Variants in VSIG8 observed in about 807,000 individuals in gnomAD.
VSIG8 encodes the protein V-set and immunoglobulin domain-containing protein 8.
Under a neutral mutation model 42.6 loss-of-function variants are expected in VSIG8, and 32 were observed. The ratio of observed to expected loss-of-function variants is 0.75; its 90% CI spans 0.57 to 1.01. The LOEUF (loss-of-function observed/expected upper bound fraction) is 1.01, where lower values mean the gene tolerates loss of function less well. Ranked by LOEUF, VSIG8 falls within the 50% of genes least tolerant of loss-of-function variation. VSIG8 has a pLI of 0.00. For missense variants in VSIG8, 529 were observed against 558.0 expected, an observed-to-expected ratio of 0.95 and a Z score of 0.52; for synonymous variants, 290 against 243.8, an observed-to-expected ratio of 1.19 and a Z score of -1.77.
rs936869607 is a variant in VSIG8 at position 159,854,651 on chromosome 1, G to C, written c.*102C>G. On this transcript the variant is annotated 3_prime_UTR_variant, in exon 7 of 7. Coordinates refer to ENST00000368100, the MANE Select transcript of VSIG8 (RefSeq NM_001013661.1). ...TCACCCCCAGCCGCCTGGCAGCCTG[G>C]GGCGAGCGAGGTCGTCCCCAGCCCC... The C allele has an allele frequency of 3.0e-6, 4 of 1,347,592 alleles. No individual in the cohort carries two copies. Among genetic ancestry groups the C allele is most frequent in the Admixed American group, 4.0e-5 (1 of 24,822 alleles). 83.5% of individuals were successfully genotyped at this position (1,347,592 alleles called of 1,614,324 possible). A position where few individuals can be genotyped will look rare whatever the true frequency, so the allele number is the denominator to read the frequency against.
chr1:159,855,365 G>A, intron 6 of VSIG8: 1 of 1,450,702 alleles, frequency 6.9e-7, no homozygotes, highest in Non-Finnish European at 9.1e-7. Flanking sequence ...TCTTTCCTTA[G>A]CTAATCCTGA....
intron 1 of VSIG8, chr1:159,862,226 G>A (rs941566428): frequency 2.8e-5 from 12 of 434,794 alleles, no homozygotes; most frequent in South Asian, 6.2e-5. Flanking sequence ...GTGTGAGCCC[G>A]ACAGGGGACA....
Position 159,854,901 on chromosome 1 carries a change from C to A in VSIG8, c.1097G>T (p.Gly366Val). ...CGCCAGGGCCACGTCCTCGGGGCCG[C>A]CGCAGGGGGGAGGCGCGTACTTGCG... Reference protein sequence around the residue: ...LRRKYAPPPCGGPEDVALAPC... With the variant: ...LRRKYAPPPCVGPEDVALAPC... Residue 366 changes from glycine to valine, a missense_variant, in exon 7 of 7, where the codon GGC becomes GTC. Transcript: ENST00000368100. 1 of 1,482,890 alleles carries A rather than the reference C, an allele frequency of 6.7e-7. No homozygotes were observed. Among genetic ancestry groups the A allele is most frequent in the Non-Finnish European group, 8.9e-7 (1 of 1,125,418 alleles). The allele number at this position is 1,482,890 out of a possible 1,614,324, so 91.9% of individuals were successfully genotyped here. A position where few individuals can be genotyped will look rare whatever the true frequency, so the allele number is the denominator to read the frequency against.
At position 159,855,049 on chromosome 1, in the gene VSIG8, G is replaced by A. The variant is rs1193463980; in HGVS notation, c.972-23C>T. On this transcript the variant is annotated intron_variant, in intron 6 of 6. Transcript: ENST00000368100. ...TCTCTGTGGAAAACAACAGGCGGGC[G>A]GGTGAGCGGGCTGCTCCGCAGCGGG... The A allele has an allele frequency of 4.5e-6, 7 of 1,571,042 alleles. No individual in the cohort carries two copies. The South Asian group carries it at 5.8e-5, about 13-fold the overall frequency.
At chr1:159,861,046 C>T (rs1383019921) in intron 1 of VSIG8, 2 of 152,228 alleles carry the variant, frequency 1.3e-5, no homozygotes, top group African/African-American at 4.8e-5. Flanking sequence ...GGAAGTTGCT[C>T]CTAATGTCTC....
chr1:159,860,311 T>C (rs1648979149), intron 1 of VSIG8, among the ~76,000 whole-genome samples: 1 of 152,172 alleles, frequency 6.6e-6, no homozygotes, highest in Non-Finnish European at 1.5e-5. Flanking sequence ...ACAGACACTA[T>C]ATAGATTCAT....
At chr1:159,859,267 G>A (rs145684787) in intron 1 of VSIG8, among the ~76,000 whole-genome samples, 17 of 152,278 alleles carry the variant, frequency 1.1e-4, no homozygotes, top group South Asian at 2.1e-4. Flanking sequence ...ACCACGTAGC[G>A]TGTCTGCTTA....
Position 159,858,208 on chromosome 1 carries a change from T to C in VSIG8, c.312A>G (p.Pro104=). The C allele has an allele frequency of 6.2e-7, 1 of 1,614,228 alleles. No individual in the cohort carries two copies. Among genetic ancestry groups the C allele is most frequent in the Non-Finnish European group, 8.5e-7 (1 of 1,180,044 alleles). Residue 104 remains proline, a synonymous_variant, in exon 3 of 7, where the codon CCA becomes CCG. Transcript: ENST00000368100. ...QQRVRFAASD[P]SQYDASINLM... ...GGTTGATGGAGGCATCGTACTGGCT[T>C]GGGTCTGAGGCTGCAAAGCGGACCC...
At chr1:159,857,192 C>G (rs751166565) in intron 4 of VSIG8, among the ~76,000 whole-genome samples, 1 of 152,124 alleles carries the variant, frequency 6.6e-6, no homozygotes. Context: ...AGGATTCAAG[C>G]CCAGCTCTGT....
rs930269612 is a variant in VSIG8, at chr1:159,854,685, C to A, written c.*68G>T. ...AGGTCGTCCCCAGCCCCGACGTGTC[C>A]CCAGCTGCAGACAGAGAGCCCCGCG... On this transcript the variant is annotated 3_prime_UTR_variant, in exon 7 of 7. Coordinates refer to ENST00000368100, the MANE Select transcript of VSIG8 (RefSeq NM_001013661.1). 7.2e-7 allele frequency: 1 copy of A among 1,391,410 alleles called. No individual in the cohort carries two copies. 86.2% of individuals were successfully genotyped at this position (1,391,410 alleles called of 1,614,324 possible).
chr1:159,855,373 T>C, intron 6 of VSIG8: 1 of 1,438,438 alleles, frequency 7.0e-7, no homozygotes, highest in South Asian at 1.5e-5. Context: ...TAGCTAATCC[T>C]GACCTTGCTC....
intron 1 of VSIG8, chr1:159,862,157 G>A (rs185851127): frequency 6.0e-6 from 2 of 334,958 alleles, no homozygotes; most frequent in Non-Finnish European, 1.1e-5. Context: ...AGCTCCTGCA[G>A]AGCAATCAAT....
In VSIG8 at chr1:159,854,702, A is replaced by T. The variant is rs1299139051; in HGVS notation, c.*51T>A. ...GACGTGTCCCCAGCTGCAGACAGAG[A>T]GCCCCGCGCCCTCCTCCTGGCTGGG... On this transcript the variant is annotated 3_prime_UTR_variant, in exon 7 of 7. Transcript: ENST00000368100. 7.1e-7 allele frequency: 1 copy of T among 1,408,842 alleles called. No individual in the cohort carries two copies. Among genetic ancestry groups the T allele is most frequent in the African/African-American group, 1.5e-5 (1 of 65,994 alleles). The allele number at this position is 1,408,842 out of a possible 1,614,324, so 87.3% of individuals were successfully genotyped here.
intron 4 of VSIG8, 133 bp downstream of exon 4, chr1:159,857,612 C>T: frequency 1.4e-6 from 1 of 692,902 alleles, no homozygotes; most frequent in Non-Finnish European, 2.4e-6. Context: ...CTGGGGCAGG[C>T]CCAGAGGGAG....
In VSIG8 at chr1:159,854,727, G is replaced by C; in HGVS notation, c.*26C>G. On this transcript the variant is annotated 3_prime_UTR_variant, in exon 7 of 7. Coordinates refer to ENST00000368100, the MANE Select transcript of VSIG8 (RefSeq NM_001013661.1). ...AGCCCCGCGCCCTCCTCCTGGCTGG[G>C]GCGCAGCCCGGCCCGGCGCGCGCGC... is the stretch of plus-strand genomic sequence containing the variant. 6.9e-7 allele frequency: 1 copy of C among 1,445,250 alleles called. No individual in the cohort carries two copies. Among genetic ancestry groups the C allele is most frequent in the Non-Finnish European group, 9.0e-7 (1 of 1,107,534 alleles). 89.5% of individuals were successfully genotyped at this position (1,445,250 alleles called of 1,614,324 possible).
rs1200571634 is a variant in VSIG8 at position 159,856,639 on chromosome 1, C to G, written c.657G>C (p.Leu219=). The G allele has an allele frequency of 6.2e-7, 1 of 1,613,890 alleles. No homozygotes were observed. Residue 219 remains leucine, a synonymous_variant, in exon 5 of 7, where the codon CTG becomes CTC. Coordinates refer to ENST00000368100, the MANE Select transcript of VSIG8 (RefSeq NM_001013661.1). ...CCTTCAACACCAGGTCCCCATTGTT[C>G]AGGCCTGAAAGTGAAGTGGAGAGAG... ...ESFHSSINQG[L]NNGDLVLKDI... is the part of the protein sequence containing the mutation.
intron 2 of VSIG8, 92 bp downstream of exon 2, chr1:159,858,642 C>T: frequency 2.1e-6 from 3 of 1,449,988 alleles, no homozygotes; most frequent in Non-Finnish European, 2.8e-6. Context: ...GGGGGAGGTT[C>T]AAGGTCAGTC....
chr1:159,857,830 G>A lies in VSIG8; in HGVS notation c.567C>T (p.Pro189=), dbSNP rs760014309. The A allele has an allele frequency of 6.2e-7, 1 of 1,614,244 alleles. No homozygotes were observed. The part of the protein sequence containing the change: ...KWAKISGHHY[P]YRAGSYTSQH... ...GGGAGGTGTAAGACCCAGCTCGATA[G>A]GGGTAATGGTGCCCACTGATCTTGG... Residue 189 remains proline, a synonymous_variant, in exon 4 of 7, where the codon CCC becomes CCT. Transcript: ENST00000368100.
intron 1 of VSIG8, chr1:159,860,752 T>C (rs1217080071): frequency 6.6e-6 from 1 of 152,272 alleles, no homozygotes; most frequent in Non-Finnish European, 1.5e-5. Flanking sequence ...AGAACTCGGC[T>C]GAGAGCAGAG....
Sources: gnomAD v4.1 joint callset for allele counts (sites outside exome capture counted in the v4.1 genomes callset) on GRCh38, gnomAD v4.1.1 for gene constraint, MANE v1.5 for transcripts, NCBI Gene and HGNC (gene_info 2026-07-23, HGNC 2026-07-21) for gene names.